SAMD3: variants seen among roughly 807,000 people sequenced by gnomAD.
The protein encoded by SAMD3 is sterile alpha motif domain containing 3.
Under a neutral mutation model 58.5 loss-of-function variants are expected in SAMD3, and 63 were observed. The ratio of observed to expected loss-of-function variants is 1.08; its 90% CI spans 0.88 to 1.33. The LOEUF (loss-of-function observed/expected upper bound fraction) is 1.33. Among genes scored for constraint, SAMD3 ranks in the 40% most tolerant of loss-of-function variants. The pLI is 0.00. For missense variants in SAMD3, 604 were observed against 608.4 expected, an observed-to-expected ratio of 0.99 and a Z score of 0.08; for synonymous variants, 220 against 210.3, an observed-to-expected ratio of 1.05 and a Z score of -0.40.
intron 5 of SAMD3, among the ~76,000 whole-genome samples, chr6:130,191,524 C>T (rs1191302097): frequency 3.9e-5 from 6 of 152,034 alleles, no homozygotes; most frequent in African/African-American, 1.4e-4. Context: ...ATAATATTGC[C>T]TTAGGGAAAA....
intron 9 of SAMD3, among the ~76,000 whole-genome samples, chr6:130,150,600 C>G (rs1789067789): frequency 6.6e-6 from 1 of 152,072 alleles, no homozygotes; most frequent in Non-Finnish European, 1.5e-5. Context: ...TTAGTCCTAG[C>G]TAAGGTCCTG....
intron 2 of SAMD3, among the ~76,000 whole-genome samples, chr6:130,234,794 A>AT (rs1796637950): frequency 6.6e-6 from 1 of 152,238 alleles, no homozygotes; most frequent in Non-Finnish European, 1.5e-5. Flanking sequence ...ATCTTTATAC[A>AT]TTTTTTCTAA....
intron 1 of SAMD3, among the ~76,000 whole-genome samples, chr6:130,315,881 G>C (rs1776346860): frequency 6.6e-6 from 1 of 152,098 alleles, no homozygotes; most frequent in Non-Finnish European, 1.5e-5. Context: ...ATGGACTTGG[G>C]GGACTTTGTG....
chr6:130,287,859 C>T (rs551718791), intron 2 of SAMD3, among the ~76,000 whole-genome samples: 2 of 151,446 alleles, frequency 1.3e-5, no homozygotes, highest in Admixed American at 6.6e-5. Context: ...GCAGGAGAAT[C>T]GCTTGAACCC....
intron 2 of SAMD3, among the ~76,000 whole-genome samples, chr6:130,244,012 T>C (rs1773450861): frequency 6.6e-6 from 1 of 152,216 alleles, no homozygotes; most frequent in Non-Finnish European, 1.5e-5. Context: ...GATAAATGAG[T>C]AACAAAATTT....
At chr6:130,232,852 T>C (rs1467653671) in intron 2 of SAMD3, among the ~76,000 whole-genome samples, 1 of 152,210 alleles carries the variant, frequency 6.6e-6, no homozygotes, top group African/African-American at 2.4e-5. Context: ...TAACCAATAT[T>C]TTTAATGAAA....
At chr6:130,148,093 A>T (rs1382890585) in intron 9 of SAMD3, among the ~76,000 whole-genome samples, 1 of 152,200 alleles carries the variant, frequency 6.6e-6, no homozygotes, top group African/African-American at 2.4e-5. Flanking sequence ...TGTTCCTTGT[A>T]TAACTTTGAT....
intron 2 of SAMD3, among the ~76,000 whole-genome samples, chr6:130,306,536 A>G (rs1002985783): frequency 2.6e-5 from 4 of 151,156 alleles, no homozygotes; most frequent in African/African-American, 9.7e-5. Context: ...AGCTAAATCT[A>G]CCATGGCTGG....
At chr6:130,160,173 C>T (rs1417411193) in intron 8 of SAMD3, 1 of 152,154 alleles carries the variant, frequency 6.6e-6, no homozygotes, top group Non-Finnish European at 1.5e-5. Flanking sequence ...TCAAGACACA[C>T]ATACAAGAAT....
intron 2 of SAMD3, among the ~76,000 whole-genome samples, chr6:130,271,683 G>A (rs1774568522): frequency 6.6e-6 from 1 of 152,102 alleles, no homozygotes; most frequent in Non-Finnish European, 1.5e-5. Context: ...GTATTAGTCT[G>A]TTTTCACTCT....
intron 9 of SAMD3, among the ~76,000 whole-genome samples, chr6:130,149,265 A>G (rs1307392890): frequency 6.6e-6 from 1 of 152,184 alleles, no homozygotes; most frequent in East Asian, 1.9e-4. Flanking sequence ...CAACACTTAT[A>G]CACTGCTAGT....
chr6:130,307,358 G>T (rs778563863), intron 2 of SAMD3, among the ~76,000 whole-genome samples: 21 of 152,296 alleles, frequency 1.4e-4, no homozygotes, highest in Non-Finnish European at 2.2e-4. Context: ...ATGGGTCTCT[G>T]AAAAATTACG....
intron 1 of SAMD3, among the ~76,000 whole-genome samples, chr6:130,332,857 A>G (rs1382939965): frequency 6.6e-6 from 1 of 152,190 alleles, no homozygotes; most frequent in Non-Finnish European, 1.5e-5. Context: ...CAGCAGAAAC[A>G]TCTTTATGTA....
At chr6:130,238,469 G>A (rs1270329978) in intron 2 of SAMD3, among the ~76,000 whole-genome samples, 1 of 151,830 alleles carries the variant, frequency 6.6e-6, no homozygotes, top group Non-Finnish European at 1.5e-5. Context: ...ACAATAGCAA[G>A]AGATCATGTT....
At chr6:130,340,658 G>C (rs1312841390) in intron 1 of SAMD3, among the ~76,000 whole-genome samples, 3 of 152,172 alleles carry the variant, frequency 2.0e-5, no homozygotes, top group African/African-American at 7.2e-5. Context: ...AATGAAAATA[G>C]ATTCTCACAA....
At chr6:130,170,141 A>G (rs1007507626) in intron 8 of SAMD3, among the ~76,000 whole-genome samples, 1 of 152,204 alleles carries the variant, frequency 6.6e-6, no homozygotes, top group African/African-American at 2.4e-5. Flanking sequence ...TCAACCTGTC[A>G]TCTAGGTTAT....
intron 5 of SAMD3, among the ~76,000 whole-genome samples, chr6:130,203,203 G>A (rs940290652): frequency 5.3e-5 from 8 of 152,132 alleles, no homozygotes; most frequent in Non-Finnish European, 8.8e-5. Flanking sequence ...AATCTCCTTG[G>A]ACTCTGTGTC....
chr6:130,362,878 G>A (rs1025881254), intron 1 of SAMD3, among the ~76,000 whole-genome samples: 2 of 152,078 alleles, frequency 1.3e-5, no homozygotes. Flanking sequence ...CACATAATGA[G>A]AAAGAAAACA....
intron 2 of SAMD3, among the ~76,000 whole-genome samples, chr6:130,248,767 G>C (rs1482461880): frequency 1.3e-5 from 2 of 152,168 alleles, no homozygotes; most frequent in Non-Finnish European, 2.9e-5. Flanking sequence ...AAGGAACGGA[G>C]AGAAGGTTTC....
Sources: gnomAD v4.1 joint callset for allele counts (sites outside exome capture counted in the v4.1 genomes callset) on GRCh38, gnomAD v4.1.1 for gene constraint, MANE v1.5 for transcripts, NCBI Gene and HGNC (gene_info 2026-07-23, HGNC 2026-07-21) for gene names.